NLGN1: variants seen among roughly 807,000 people sequenced by gnomAD.
The protein encoded by NLGN1 is neuroligin-1.
In NLGN1, 12 loss-of-function variants were observed where a neutral mutation model predicts 65.5. The observed-to-expected ratio is 0.18, with a 90% CI of 0.12 to 0.30. NLGN1 has a LOEUF of 0.30. Among genes scored for constraint, NLGN1 ranks in the 10% least tolerant of loss-of-function variants. NLGN1 has a pLI of 1.00. For synonymous variants in NLGN1, 350 were observed against 359.5 expected, an observed-to-expected ratio of 0.97 and a Z score of 0.30; for missense variants, 750 against 1,007.1, an observed-to-expected ratio of 0.74 and a Z score of 3.46.
At position 173,758,487 on chromosome 3, in the gene NLGN1, C is replaced by T. The variant is rs376891251; in HGVS notation, c.494-49193C>T. Among the ~76,000 whole-genome samples, 126 of 152,036 alleles carry T rather than the reference C, an allele frequency of 8.3e-4. 1 individual carries two copies. Among genetic ancestry groups the T allele is most frequent in the African/African-American group, 2.8e-3 (116 of 41,526 alleles). On this transcript the variant is annotated intron_variant, in intron 3 of 6. Transcript: ENST00000457714. ...TTTTACTGCTTTTAACTCCCAGATCCCAATCCATCTGATCTTGTAGCTTTC... is the reference window on the plus strand; with the variant it reads ...TTTTACTGCTTTTAACTCCCAGATCTCAATCCATCTGATCTTGTAGCTTTC...
chr3:174,289,698 A>G (rs1423543529), downstream of NLGN1, among the ~76,000 whole-genome samples: 6 of 150,988 alleles, frequency 4.0e-5, no homozygotes, highest in Admixed American at 2.0e-4. Context: ...TCCTTGTATG[A>G]AAAAGTAATA....
chr3:174,113,733 A>G (rs910800923), intron 4 of NLGN1, among the ~76,000 whole-genome samples: 2 of 152,128 alleles, frequency 1.3e-5, no homozygotes, highest in South Asian at 2.1e-4. Context: ...TGATTCTTGA[A>G]TAGGTCTTAA....
chr3:173,566,772 C>T (rs1283309683), intron 2 of NLGN1, among the ~76,000 whole-genome samples: 1 of 152,082 alleles, frequency 6.6e-6, no homozygotes, highest in African/African-American at 2.4e-5. Context: ...TAAAAATGCC[C>T]TGTATATTGG....
intron 3 of NLGN1, among the ~76,000 whole-genome samples, chr3:173,767,079 A>T (rs1475589533): frequency 1.3e-5 from 2 of 152,168 alleles, no homozygotes; most frequent in Non-Finnish European, 1.5e-5. Flanking sequence ...TTCAGCTATA[A>T]GTAGCTGTAA....
chr3:174,144,223 T>C (rs1250085151), intron 4 of NLGN1, among the ~76,000 whole-genome samples: 1 of 152,226 alleles, frequency 6.6e-6, no homozygotes. Flanking sequence ...GCTTCATCCA[T>C]GTCCCTGCAA....
intron 2 of NLGN1, among the ~76,000 whole-genome samples, chr3:173,541,909 T>G (rs935509310): frequency 1.3e-5 from 2 of 152,210 alleles, no homozygotes; most frequent in East Asian, 3.9e-4. Context: ...TTGTTCATTC[T>G]TTTTGCTGGG....
rs182608283 is a variant in NLGN1 at position 173,559,869 on chromosome 3, C to A, written c.-320-44410C>A. On this transcript the variant is annotated intron_variant, in intron 2 of 6. Coordinates refer to ENST00000457714, the Ensembl canonical transcript of NLGN1. ...ATTTTCTGTCATGAAGAGAATACTT[C>A]TAATTATTAATGAAAAACACTAATG... 4.6e-5 allele frequency among the ~76,000 whole-genome samples: 7 copies of A among 150,928 alleles called. No individual in the cohort carries two copies. In the East Asian group the frequency reaches 9.8e-4, roughly 21 times the overall value.
chr3:173,808,669 AGCACAAT>A (rs1297754888), intron 4 of NLGN1, among the ~76,000 whole-genome samples: 4 of 152,188 alleles, frequency 2.6e-5, no homozygotes, highest in African/African-American at 7.2e-5. Context: ...TTGCTAAAAG[AGCACAAT>A]GCATCCACAA....
At chr3:173,567,069 G>T (rs1743805436) in intron 2 of NLGN1, among the ~76,000 whole-genome samples, 1 of 151,996 alleles carries the variant, frequency 6.6e-6, no homozygotes, top group Non-Finnish European at 1.5e-5. Flanking sequence ...TATTAAAAAA[G>T]AATAGTGCCT....
At chr3:174,102,874 C>T (rs555245475) in intron 4 of NLGN1, among the ~76,000 whole-genome samples, 8 of 152,216 alleles carry the variant, frequency 5.3e-5, no homozygotes, top group African/African-American at 1.2e-4. Context: ...TTCATTGCTA[C>T]GTCTACACTA....
At chr3:173,931,112 T>G (rs1436480613) in intron 4 of NLGN1, among the ~76,000 whole-genome samples, 2 of 152,192 alleles carry the variant, frequency 1.3e-5, no homozygotes, top group African/African-American at 4.8e-5. Context: ...ATTGACATTT[T>G]TACATTCATT....
chr3:173,789,865 A>G, intron 3 of NLGN1: 1 of 514,476 alleles, frequency 1.9e-6, no homozygotes, highest in Non-Finnish European at 3.9e-6. Context: ...CAACTGCCTC[A>G]CCTCCATGCA....
chr3:173,771,202 T>C (rs1025205902), intron 3 of NLGN1, among the ~76,000 whole-genome samples: 1 of 152,218 alleles, frequency 6.6e-6, no homozygotes, highest in Admixed American at 6.5e-5. Flanking sequence ...ATTGGCTGCA[T>C]GTCCGTCTTC....
At chr3:173,846,489 C>T (rs947256656) in intron 4 of NLGN1, among the ~76,000 whole-genome samples, 1 of 152,072 alleles carries the variant, frequency 6.6e-6, no homozygotes, top group Non-Finnish European at 1.5e-5. Flanking sequence ...ATGGAATGGA[C>T]CTAAGCCTAG....
intron 3 of NLGN1, among the ~76,000 whole-genome samples, chr3:173,775,280 T>G (rs2150288910): frequency 6.6e-6 from 1 of 152,306 alleles, no homozygotes; most frequent in African/African-American, 2.4e-5. Context: ...TAAATTATTT[T>G]ATGACTTTAT....
intron 4 of NLGN1, among the ~76,000 whole-genome samples, chr3:174,164,652 G>A (rs75246411): frequency 6.5e-4 from 99 of 152,012 alleles, no homozygotes; most frequent in Non-Finnish European, 9.4e-4. Context: ...CAACTTTGTC[G>A]AAGCATAGAT....
chr3:173,687,344 CTTA>C (rs1479561289), intron 3 of NLGN1, among the ~76,000 whole-genome samples: 1 of 152,090 alleles, frequency 6.6e-6, no homozygotes, highest in African/African-American at 2.4e-5. Context: ...TGATATAGAC[CTTA>C]TTATGTACAT....
chr3:173,888,352 T>A (rs1734735105), intron 4 of NLGN1, among the ~76,000 whole-genome samples: 1 of 152,052 alleles, frequency 6.6e-6, no homozygotes, highest in Non-Finnish European at 1.5e-5. Context: ...ATACTTTAAA[T>A]CATCCCTAGA....
At chr3:173,956,369 T>A (rs1712041841) in intron 4 of NLGN1, among the ~76,000 whole-genome samples, 1 of 152,080 alleles carries the variant, frequency 6.6e-6, no homozygotes, top group Non-Finnish European at 1.5e-5. Flanking sequence ...TTTATTGTTG[T>A]AATCTCCTTC....
Sources: allele counts gnomAD v4.1 joint callset (sites outside exome capture counted in the v4.1 genomes callset), GRCh38; gene constraint gnomAD v4.1.1; transcripts MANE v1.5; gene names NCBI Gene and HGNC (gene_info 2026-07-23, HGNC 2026-07-21).